The following AHSG variants were observed in gnomAD, a reference collection of about 807,000 sequenced individuals.
The protein encoded by AHSG is alpha-2-HS-glycoprotein.
AHSG carries 23 observed loss-of-function variants against 30.1 expected under a neutral mutation model. The observed-to-expected ratio is 0.76, with a 90% confidence interval of 0.55 to 1.08. The LOEUF is 1.08. Ranked by LOEUF, AHSG falls within the 50% of genes least tolerant of loss-of-function variation. The pLI, the probability that AHSG is intolerant of heterozygous loss-of-function variation, is 0.00. For missense variants in AHSG, 469 were observed against 459.5 expected (o/e 1.02, Z -0.19); for synonymous variants, 164 against 186.3 (o/e 0.88, Z 0.98).
In AHSG at chr3:186,613,136, G is replaced by T. The variant is rs1716190276; in HGVS notation, c.-6G>T. On this transcript the variant is annotated 5_prime_UTR_variant, in exon 1 of 7. Coordinates refer to ENST00000411641, the MANE Select transcript of AHSG (RefSeq NM_001622.4). ...GCACGCCTGCCAGGGCCTCTCTGGG[G>T]CAGCCATGAAGTCCCTCGTCCTGCT... 16 of 1,613,898 alleles carry T rather than the reference G, an allele frequency of 9.9e-6. No individual in the cohort carries two copies. The highest frequency in any genetic ancestry group is 1.4e-5 in the Non-Finnish European group (16 of 1,179,916).
At chr3:186,614,162 G>A (rs1370038772) in intron 1 of AHSG, among the ~76,000 whole-genome samples, 2 of 152,192 alleles carry the variant, frequency 1.3e-5, no homozygotes, top group African/African-American at 4.8e-5. Flanking sequence ...TCGGGGATCA[G>A]TCAAGAGATT....
intron 1 of AHSG, 69 bp from the exon 2 acceptor site, chr3:186,615,616 G>T: frequency 7.9e-7 from 1 of 1,265,120 alleles, no homozygotes; most frequent in South Asian, 1.2e-5. Context: ...CAATGAGGGC[G>T]CATACCGTGG....
intron 6 of AHSG, 87 bp downstream of exon 6, chr3:186,620,027 A>G (rs2108503650): frequency 1.0e-6 from 1 of 991,350 alleles, no homozygotes; most frequent in East Asian, 2.5e-5. Flanking sequence ...ATGACAGGAC[A>G]TTTGCTCTCC....
In AHSG at chr3:186,620,805, G is replaced by A. The variant is rs750831608; in HGVS notation, c.979G>A (p.Gly327Arg). Residue 327 changes from glycine (G) to arginine (R), a missense_variant, in exon 7 of 7, where the codon GGG becomes AGG. Gly to Arg is a moderately radical substitution (Grantham distance 125). Transcript: ENST00000411641. Reference protein sequence around the residue: ...RHTFMGVVSLGSPSGEVSHPR... With the variant: ...RHTFMGVVSLRSPSGEVSHPR... ...CACCTTCATGGGTGTGGTCTCATTG[G>A]GGTCACCCTCAGGAGAAGTGTCGCA... The A allele has an allele frequency of 1.2e-6, 2 of 1,614,172 alleles. No homozygotes were observed.
At chr3:186,618,514 C>G (rs1370000240) in intron 4 of AHSG, 22 bp from the exon 5 acceptor site, 2 of 1,607,472 alleles carry the variant, frequency 1.2e-6, no homozygotes, top group Non-Finnish European at 1.7e-6. Flanking sequence ...TCCTCAAGAG[C>G]ATTTTCATGT....
Position 186,617,297 on chromosome 3 carries a change from C to T in AHSG, c.520C>T (p.Gln174Ter). ...AGCTGCCCTGGCCGCCTTCAACGCT[C>T]AGAACAACGGCTCCAATTTTCAGCT... ...AKAALAAFNAQNNGSNFQLEE... is the reference protein window; with the variant it reads ...AKAALAAFNA The change falls in exon 4 of 7, where the codon CAG becomes TAG. Residue 174 changes from glutamine to a stop codon, truncating the protein, a stop_gained. Coordinates refer to ENST00000411641, the MANE Select transcript of AHSG (RefSeq NM_001622.4). LOFTEE classifies it high-confidence loss of function. 1.2e-6 allele frequency: 2 copies of T among 1,614,216 alleles called. No individual in the cohort carries two copies. The highest frequency in any genetic ancestry group is 1.3e-5 in the African/African-American group (1 of 75,054).
intron 1 of AHSG, among the ~76,000 whole-genome samples, chr3:186,614,897 T>C (rs1716249417): frequency 1.3e-5 from 2 of 152,302 alleles, no homozygotes; most frequent in African/African-American, 2.4e-5. Context: ...ACCTTCTGGA[T>C]TTTTCAGGCT....
intron 3 of AHSG, 57 bp from the exon 4 acceptor site, chr3:186,617,130 C>T: frequency 1.3e-6 from 2 of 1,570,032 alleles, no homozygotes; most frequent in Non-Finnish European, 1.7e-6. Flanking sequence ...CGCAGCAGAG[C>T]TGGGGCCATG....
In AHSG at chr3:186,620,729, G is replaced by A. The variant is rs750941355; in HGVS notation, c.903G>A (p.Leu301=). ...AGSPPDSHVL[L]AAPPGHQLHR... ...CACCCCCAGACTCCCATGTGTTACT[G>A]GCAGCTCCTCCAGGACACCAGTTGC... Residue 301 remains leucine (L), a synonymous_variant, in exon 7 of 7, where the codon CTG becomes CTA. Transcript: ENST00000411641. 2 of 1,614,160 alleles carry A rather than the reference G, an allele frequency of 1.2e-6. No individual in the cohort carries two copies. The highest frequency in any genetic ancestry group is 1.7e-5 in the Admixed American group (1 of 60,022).
chr3:186,618,764 G>A, intron 5 of AHSG, 127 bp downstream of exon 5: 1 of 1,444,524 alleles, frequency 6.9e-7, no homozygotes, highest in South Asian at 1.4e-5. Flanking sequence ...CTCTCCCTGT[G>A]GATCACGGCA....
chr3:186,613,133 G>A lies in AHSG; in HGVS notation c.-9G>A. On this transcript the variant is annotated 5_prime_UTR_variant, in exon 1 of 7. Transcript: ENST00000411641. ...CCTGCACGCCTGCCAGGGCCTCTCT[G>A]GGGCAGCCATGAAGTCCCTCGTCCT... is the stretch of plus-strand genomic sequence containing the variant. The A allele has an allele frequency of 1.2e-6, 2 of 1,613,804 alleles. No homozygotes were observed. Among genetic ancestry groups the A allele is most frequent in the Non-Finnish European group, 1.7e-6 (2 of 1,179,880 alleles).
In AHSG at chr3:186,615,741, TG is replaced by T; in HGVS notation, c.271del (p.Val91CysfsTer12). The T allele has an allele frequency of 6.2e-7, 1 of 1,614,226 alleles. No individual in the cohort carries two copies. Among genetic ancestry groups the T allele is most frequent in the Non-Finnish European group, 8.5e-7 (1 of 1,180,038 alleles). ...EIDTLETTCH[V>X]LDPTPVARCS... ...TAGACACCCTGGAAACCACCTGCCA[TG>T]TGCTGGACCCCACCCCTGTGGCAAG... On this transcript the variant is annotated frameshift_variant, in exon 2 of 7. Coordinates refer to ENST00000411641, the MANE Select transcript of AHSG (RefSeq NM_001622.4). LOFTEE classifies it high-confidence loss of function.
In AHSG at chr3:186,613,115, G is replaced by T. The variant is rs200490113; in HGVS notation, c.-27G>T. ...TCCCGAAGCCTCCAACCACCTGCAC[G>T]CCTGCCAGGGCCTCTCTGGGGCAGC... On this transcript the variant is annotated 5_prime_UTR_variant, in exon 1 of 7. Transcript: ENST00000411641. The T allele has an allele frequency of 1.9e-6, 3 of 1,611,732 alleles. No homozygotes were observed. The highest frequency in any genetic ancestry group is 2.2e-5 in the East Asian group (1 of 44,842).
rs1031255291 is a variant in AHSG, at chr3:186,618,600, C to G, written c.638C>G (p.Ala213Gly). 3.2e-5 allele frequency: 51 copies of G among 1,613,988 alleles called. No homozygotes were observed. Among genetic ancestry groups the G allele is most frequent in the Non-Finnish European group, 4.1e-5 (48 of 1,179,990 alleles). Residue 213 changes from alanine (A) to glycine (G), a missense_variant, in exon 5 of 7, where the codon GCC (alanine) becomes GGC (glycine). Physicochemically the swap from Ala to Gly is moderately conservative, Grantham distance 60. Coordinates refer to ENST00000411641, the MANE Select transcript of AHSG (RefSeq NM_001622.4). ...VSGTDCVAKE[A>G]TEAAKCNLLA... ...GGCACTGACTGTGTTGCTAAAGAGG[C>G]CACAGAGGCAGCCAAGTGTAACCTG...
chr3:186,616,370 C>A, intron 2 of AHSG, 73 bp from the exon 3 acceptor site: 1 of 1,200,408 alleles, frequency 8.3e-7, no homozygotes, highest in Non-Finnish European at 1.2e-6. Context: ...CCTTTGACAG[C>A]CGTGCCTGGA....
At position 186,613,088 on chromosome 3, in the gene AHSG, G is replaced by T. The variant is rs763033096; in HGVS notation, c.-54G>T. On this transcript the variant is annotated 5_prime_UTR_variant, in exon 1 of 7. Transcript: ENST00000411641. ...CCTTTCCCAGCAGAGCACCTGGGTT[G>T]GTCCCGAAGCCTCCAACCACCTGCA... 6.5e-6 allele frequency: 10 copies of T among 1,536,080 alleles called. No individual in the cohort carries two copies. The highest frequency in any genetic ancestry group is 1.7e-4 in the Middle Eastern group (1 of 5,904).
chr3:186,618,528 C>T lies in AHSG; in HGVS notation c.574-8C>T. ...TTCCTCAAGAGCATTTTCATGTACT[C>T]TTCTCAGCCCCTCCCACCTTCTACC... On this transcript the variant is annotated splice_region_variant and splice_polypyrimidine_tract_variant and intron_variant, in intron 4 of 6. Transcript: ENST00000411641. The T allele has an allele frequency of 6.2e-7, 1 of 1,612,954 alleles. No individual in the cohort carries two copies. The highest frequency in any genetic ancestry group is 8.5e-7 in the Non-Finnish European group (1 of 1,179,072).
chr3:186,617,723 C>CCTGACTCGTAATTAATCTGAACATTA (rs1716354264), intron 4 of AHSG: 5 of 350,344 alleles, frequency 1.4e-5, no homozygotes, highest in Admixed American at 4.1e-5. Flanking sequence ...CCACCCATCT[C>CCTGACTCGTAATTAATCTGAACATTA]CGCTGAACAT....
chr3:186,618,850 G>A (rs1390411661), intron 5 of AHSG, among the ~76,000 whole-genome samples: 1 of 152,212 alleles, frequency 6.6e-6, no homozygotes, highest in African/African-American at 2.4e-5. Context: ...AGCACATGAA[G>A]TTAGGAGAAA....
Sources: gnomAD v4.1 joint callset for allele counts (sites outside exome capture counted in the v4.1 genomes callset) on GRCh38, gnomAD v4.1.1 for gene constraint, MANE v1.5 for transcripts, NCBI Gene and HGNC (gene_info 2026-07-23, HGNC 2026-07-21) for gene names.